The following TXNDC16 variants were observed in gnomAD, a reference collection of about 807,000 sequenced individuals.
TXNDC16 encodes thioredoxin domain containing 16.
TXNDC16 carries 74 observed loss-of-function variants against 85.6 expected under a neutral mutation model. The ratio of observed to expected loss-of-function variants is 0.86; its 90% CI spans 0.72 to 1.05. The LOEUF is 1.05. Ranked by LOEUF, TXNDC16 falls within the 50% of genes least tolerant of loss-of-function variation. The pLI is 0.00. For missense variants in TXNDC16, 959 were observed against 947.0 expected (o/e 1.01, Z -0.17); for synonymous variants, 335 against 326.5 (o/e 1.03, Z -0.28).
chr14:52,504,327 C>A (rs899450747), intron 9 of TXNDC16, among the ~76,000 whole-genome samples: 1 of 152,168 alleles, frequency 6.6e-6, no homozygotes, highest in South Asian at 2.1e-4. Context: ...AGAGAAAGGT[C>A]GGGTTACCCA....
chr14:52,460,281 C>G (rs949389655), intron 16 of TXNDC16, among the ~76,000 whole-genome samples: 1 of 152,092 alleles, frequency 6.6e-6, no homozygotes, highest in Non-Finnish European at 1.5e-5. Flanking sequence ...AGAGAAAACA[C>G]AAACAAATAG....
At chr14:52,529,786 AT>A (rs2037446372) in intron 6 of TXNDC16, among the ~76,000 whole-genome samples, 1 of 117,220 alleles carries the variant, frequency 8.5e-6, no homozygotes, top group South Asian at 2.4e-4. Context: ...CCTAGTATAT[AT>A]TATATAATAA....
At chr14:52,475,405 G>A (rs1226279639) in intron 14 of TXNDC16, among the ~76,000 whole-genome samples, 1 of 152,186 alleles carries the variant, frequency 6.6e-6, no homozygotes. Flanking sequence ...TTGCAGCTGG[G>A]AGGCAGGTAG....
At chr14:52,459,202 G>GAC (rs1273983463) in intron 16 of TXNDC16, among the ~76,000 whole-genome samples, 10 of 151,592 alleles carry the variant, frequency 6.6e-5, no homozygotes, top group Non-Finnish European at 1.5e-4. Flanking sequence ...TATTTTTATA[G>GAC]ACACACACAC....
intron 4 of TXNDC16, among the ~76,000 whole-genome samples, chr14:52,538,593 A>T (rs1440859269): frequency 6.6e-6 from 1 of 152,148 alleles, no homozygotes; most frequent in East Asian, 1.9e-4. Flanking sequence ...ACATACAACT[A>T]GGGGGAAGAC....
At chr14:52,450,030 T>G (rs948378273) in intron 18 of TXNDC16, among the ~76,000 whole-genome samples, 2 of 151,432 alleles carry the variant, frequency 1.3e-5, no homozygotes, top group Non-Finnish European at 2.9e-5. Flanking sequence ...CCTAAAGAAC[T>G]AGAAAAGCAA....
chr14:52,482,960 GA>G lies in TXNDC16; in HGVS notation c.1113del (p.Gln372ArgfsTer25). The G allele has an allele frequency of 6.2e-7, 1 of 1,600,938 alleles. No individual in the cohort carries two copies. Among genetic ancestry groups the G allele is most frequent in the East Asian group, 2.2e-5 (1 of 44,680 alleles). On this transcript the variant is annotated frameshift_variant, in exon 13 of 21. Transcript: ENST00000281741. LOFTEE classifies it high-confidence loss of function. Reference sequence around the variant, plus strand: ...ACAGTTTCTGCCACTTCATCATCCTGAACATCTAAAATGTTGGAAAAGAAAT... The same window carrying G: ...ACAGTTTCTGCCACTTCATCATCCTGACATCTAAAATGTTGGAAAAGAAAT... ...DNDMEGPDID[V>X]QDDEVAETVF...
intron 18 of TXNDC16, 55 bp from the exon 19 acceptor site, chr14:52,440,779 T>C: frequency 2.0e-6 from 3 of 1,521,256 alleles, no homozygotes; most frequent in South Asian, 2.4e-5. Context: ...TGATAATGCA[T>C]ACCACAGAAG....
At chr14:52,490,551 A>T (rs1399099883) in intron 10 of TXNDC16, 100 bp from the exon 11 acceptor site, 2 of 952,300 alleles carry the variant, frequency 2.1e-6, no homozygotes, top group South Asian at 2.0e-5. Flanking sequence ...TATACTAAAA[A>T]TTATGAAAAA....
At chr14:52,512,459 A>G (rs542943428) in intron 8 of TXNDC16, among the ~76,000 whole-genome samples, 2 of 152,306 alleles carry the variant, frequency 1.3e-5, no homozygotes, top group East Asian at 3.9e-4. Flanking sequence ...AGGACAAATG[A>G]GCATTTCAAA....
intron 16 of TXNDC16, among the ~76,000 whole-genome samples, chr14:52,469,409 T>C (rs2035851412): frequency 6.6e-6 from 1 of 152,142 alleles, no homozygotes; most frequent in Admixed American, 6.5e-5. Context: ...AAATATTATG[T>C]AGCCATAATG....
intron 12 of TXNDC16, among the ~76,000 whole-genome samples, chr14:52,484,470 A>G (rs1216873163): frequency 6.6e-6 from 1 of 152,238 alleles, no homozygotes; most frequent in Non-Finnish European, 1.5e-5. Context: ...TAAGATTATA[A>G]TAGAGCTGAG....
chr14:52,509,648 T>A (rs1486091422), intron 9 of TXNDC16, among the ~76,000 whole-genome samples: 2 of 149,292 alleles, frequency 1.3e-5, no homozygotes, highest in Admixed American at 6.7e-5. Context: ...ATAATAATAA[T>A]AAAAAAATTA....
intron 9 of TXNDC16, among the ~76,000 whole-genome samples, chr14:52,495,490 A>G (rs2036510258): frequency 1.3e-5 from 2 of 152,222 alleles, no homozygotes; most frequent in Admixed American, 1.3e-4. Context: ...CAGTTACAAA[A>G]GCCCAACCAG....
intron 6 of TXNDC16, among the ~76,000 whole-genome samples, chr14:52,530,244 T>TATATATTATGTA (rs1566581765): frequency 5.7e-5 from 3 of 52,824 alleles, no homozygotes; most frequent in African/African-American, 3.0e-4. Context: ...TATAATAATA[T>TATATATTATGTA]ATAATATATA....
chr14:52,488,506 T>A lies in TXNDC16; in HGVS notation c.985-20A>T. On this transcript the variant is annotated intron_variant, in intron 11 of 20. Coordinates refer to ENST00000281741, the MANE Select transcript of TXNDC16 (RefSeq NM_020784.3). ...AACTCCCTAGAAATACATTAATTTT[T>A]AAAAAATGAATATAGCAAAGTATTT... The A allele has an allele frequency of 6.4e-7, 1 of 1,563,792 alleles. No homozygotes were observed. Among genetic ancestry groups the A allele is most frequent in the Non-Finnish European group, 8.7e-7 (1 of 1,145,170 alleles).
intron 14 of TXNDC16, among the ~76,000 whole-genome samples, chr14:52,471,358 G>A (rs1034036733): frequency 1.3e-5 from 2 of 151,946 alleles, no homozygotes; most frequent in South Asian, 2.1e-4. Context: ...CTTCTAATTC[G>A]CCTCTTTGAA....
At chr14:52,484,096 A>T (rs537974296) in intron 12 of TXNDC16, among the ~76,000 whole-genome samples, 46 of 151,896 alleles carry the variant, frequency 3.0e-4, no homozygotes, top group Non-Finnish European at 1.3e-4. Flanking sequence ...TAATAATAGT[A>T]TTAATTATGT....
chr14:52,540,255 G>A (rs903299411), intron 4 of TXNDC16, among the ~76,000 whole-genome samples: 2 of 152,138 alleles, frequency 1.3e-5, no homozygotes, highest in Non-Finnish European at 2.9e-5. Context: ...AATCTTAAAT[G>A]CTGCTTTTTG....
Sources: gnomAD v4.1 joint callset for allele counts (sites outside exome capture counted in the v4.1 genomes callset) on GRCh38, gnomAD v4.1.1 for gene constraint, MANE v1.5 for transcripts, NCBI Gene and HGNC (gene_info 2026-07-23, HGNC 2026-07-21) for gene names.